EYS: variants seen among roughly 807,000 people sequenced by gnomAD.
The protein encoded by EYS is protein eyes shut homolog.
Under a neutral mutation model 282.1 loss-of-function variants are expected in EYS, and 250 were observed. That is an observed-to-expected ratio of 0.89 (90% CI 0.80 to 0.98). The LOEUF (loss-of-function observed/expected upper bound fraction) is 0.98, where lower values mean the gene tolerates loss of function less well. Among genes scored for constraint, EYS ranks in the 50% least tolerant of loss-of-function variants. The pLI is 0.00. For synonymous variants in EYS, 1,355 were observed against 1,282.9 expected (o/e 1.06, Z -1.20); for missense variants, 4,016 against 3,709.0 (o/e 1.08, Z -2.15).
chr6:64,641,429 C>T (rs943023124), intron 22 of EYS, among the ~76,000 whole-genome samples: 2 of 152,092 alleles, frequency 1.3e-5, no homozygotes, highest in African/African-American at 2.4e-5. Context: ...CCATATCATG[C>T]TTATAATAGT....
intron 36 of EYS, among the ~76,000 whole-genome samples, chr6:63,852,342 C>G (rs1451482263): frequency 6.6e-6 from 1 of 152,056 alleles, no homozygotes; most frequent in East Asian, 1.9e-4. Flanking sequence ...TCAGGTAATA[C>G]TATGAACACC....
At chr6:64,151,317 TTATATATATATATATATA>T (rs61575285) in intron 31 of EYS, among the ~76,000 whole-genome samples, 3,571 of 52,546 alleles carry the variant, frequency 0.068, 131 homozygotes, top group Non-Finnish European at 0.084. Context: ...GTGTGTATAT[TTATATATATATATATATA>T]TATATATATA....
At chr6:64,767,568 A>G (rs1371392299) in intron 22 of EYS, among the ~76,000 whole-genome samples, 1 of 152,118 alleles carries the variant, frequency 6.6e-6, no homozygotes. Context: ...ATTACACTTA[A>G]CATAATGTCC....
In EYS at chr6:63,721,129, T is replaced by G. The variant is rs1174847002; in HGVS notation, c.8902A>C (p.Ile2968Leu). ...TTTCTCATTCTATAATTTGGATCAA[T>G]GTATTTAATGTAAGAATTACCCATA... is the stretch of plus-strand genomic sequence containing the variant. ...KFMGNSYIKY[I>L]DPNYRMRNLQ... The change falls in exon 43 of 43, where the codon ATT (isoleucine) becomes CTT (leucine). Residue 2968 changes from isoleucine to leucine, a missense_variant. Physicochemically the swap from Ile to Leu is conservative, Grantham distance 5 (BLOSUM62 2). Coordinates refer to ENST00000503581, the MANE Select transcript of EYS (RefSeq NM_001142800.2). 1.3e-6 allele frequency: 2 copies of G among 1,551,358 alleles called. No homozygotes were observed. Among genetic ancestry groups the G allele is most frequent in the Non-Finnish European group, 1.7e-6 (2 of 1,146,784 alleles).
At chr6:64,034,528 AT>A (rs1770018009) in intron 33 of EYS, among the ~76,000 whole-genome samples, 1 of 152,192 alleles carries the variant, frequency 6.6e-6, no homozygotes, top group South Asian at 2.1e-4. Context: ...TCCCAACGCC[AT>A]CTCCACATTG....
At chr6:63,857,174 G>A (rs191532000) in intron 36 of EYS, among the ~76,000 whole-genome samples, 10 of 152,124 alleles carry the variant, frequency 6.6e-5, no homozygotes, top group Middle Eastern at 3.4e-3. Context: ...AGGTGACTTC[G>A]TAGTCCGAGA....
chr6:64,996,716 AAC>A (rs1198337516), intron 14 of EYS, among the ~76,000 whole-genome samples: 5 of 152,200 alleles, frequency 3.3e-5, no homozygotes, highest in African/African-American at 1.2e-4. Context: ...TGTGGGAAAA[AAC>A]AGTTTGCCAC....
intron 14 of EYS, among the ~76,000 whole-genome samples, chr6:64,971,031 C>T (rs1485976205): frequency 6.6e-6 from 1 of 152,116 alleles, no homozygotes; most frequent in Non-Finnish European, 1.5e-5. Flanking sequence ...TAACTATAGA[C>T]TCTGATATAA....
chr6:64,896,332 T>C (rs894162619), intron 18 of EYS, among the ~76,000 whole-genome samples: 1 of 151,834 alleles, frequency 6.6e-6, no homozygotes, highest in Non-Finnish European at 1.5e-5. Context: ...GTGCAAGGGG[T>C]CAGGGGCCTC....
At chr6:64,171,628 ACAG>A (rs1395018227) in intron 31 of EYS, among the ~76,000 whole-genome samples, 1 of 71,634 alleles carries the variant, frequency 1.4e-5, no homozygotes, top group African/African-American at 4.8e-5. Flanking sequence ...TATTGATATA[ACAG>A]TCTTCCACTG....
chr6:65,682,412 A>G (rs561343671), intron 1 of EYS, among the ~76,000 whole-genome samples: 4 of 152,124 alleles, frequency 2.6e-5, no homozygotes, highest in Middle Eastern at 6.8e-3. Context: ...CAAGGCTTTT[A>G]GCTATCCTAA....
intron 30 of EYS, among the ~76,000 whole-genome samples, chr6:64,295,247 T>G (rs528600389): frequency 6.9e-6 from 1 of 144,032 alleles, no homozygotes; most frequent in South Asian, 2.3e-4. Context: ...TTTTAGTTAA[T>G]GGGTGCAGCA....
At chr6:65,182,405 G>A (rs1187763204) in intron 12 of EYS, among the ~76,000 whole-genome samples, 1 of 150,904 alleles carries the variant, frequency 6.6e-6, no homozygotes, top group East Asian at 2.0e-4. Flanking sequence ...TTAATTCTGT[G>A]CCCATTTTTA....
intron 35 of EYS, among the ~76,000 whole-genome samples, chr6:63,953,921 T>C (rs1197342765): frequency 1.8e-4 from 28 of 152,216 alleles, no homozygotes; most frequent in Admixed American, 1.8e-3. Flanking sequence ...ACTGCCCTAA[T>C]ACTTTTAGAG....
intron 2 of EYS, among the ~76,000 whole-genome samples, chr6:65,555,473 TTTTA>T (rs1768765145): frequency 6.6e-6 from 1 of 152,148 alleles, no homozygotes; most frequent in East Asian, 1.9e-4. Context: ...AGCAATATAC[TTTTA>T]TTATTATACA....
chr6:64,926,209 C>T lies in EYS; in HGVS notation c.2382-13466G>A, dbSNP rs1232136111. Among the ~76,000 whole-genome samples the T allele has an allele frequency of 2.0e-5, 3 of 152,304 alleles. No homozygotes were observed. The East Asian group carries it at 5.8e-4, about 30-fold the overall frequency. On this transcript the variant is annotated intron_variant, in intron 15 of 42. Coordinates refer to ENST00000503581, the MANE Select transcript of EYS (RefSeq NM_001142800.2). ...CCTCTGAAGAGGGAGCACCCAAGTA[C>T]TGTGCCTGTGGCTGGAGCACATACC...
intron 1 of EYS, among the ~76,000 whole-genome samples, chr6:65,676,344 AAGAG>A (rs1359421818): frequency 6.6e-6 from 1 of 151,734 alleles, no homozygotes; most frequent in African/African-American, 2.4e-5. Context: ...CTAAGACAAA[AAGAG>A]AGAGTATTGA....
In EYS at chr6:64,681,691, C is replaced by A. The variant is rs189225123; in HGVS notation, c.3444-55446G>T. Among the ~76,000 whole-genome samples the A allele has an allele frequency of 1.0e-3, 159 of 152,118 alleles. 1 individual carries two copies. The highest frequency in any genetic ancestry group is 3.8e-3 in the African/African-American group (156 of 41,506). On this transcript the variant is annotated intron_variant, in intron 22 of 42. Transcript: ENST00000503581. Reference sequence around the variant, plus strand: ...GGCGCATCACAAGGTCAGGATGTTGCGGGACAATCAAACAGGAGAGACCGA... The same window carrying A: ...GGCGCATCACAAGGTCAGGATGTTGAGGGACAATCAAACAGGAGAGACCGA...
chr6:64,917,964 T>C (rs140384129), intron 15 of EYS, among the ~76,000 whole-genome samples: 89 of 152,204 alleles, frequency 5.8e-4, no homozygotes, highest in East Asian at 3.7e-3. Context: ...GTCCTACAAA[T>C]TGGGGACATA....
Sources: gnomAD v4.1 joint callset for allele counts (sites outside exome capture counted in the v4.1 genomes callset) on GRCh38, gnomAD v4.1.1 for gene constraint, MANE v1.5 for transcripts, NCBI Gene and HGNC (gene_info 2026-07-23, HGNC 2026-07-21) for gene names.